GRIK4: variants seen among roughly 807,000 people sequenced by gnomAD.
GRIK4 encodes glutamate receptor ionotropic, kainate 4.
Under a neutral mutation model 104.9 loss-of-function variants are expected in GRIK4, and 40 were observed. The observed-to-expected ratio is 0.38, with a 90% confidence interval of 0.30 to 0.50. GRIK4 has a LOEUF of 0.50. Ranked by LOEUF, GRIK4 falls within the 20% of genes least tolerant of loss-of-function variation. The pLI, the probability that GRIK4 is intolerant of heterozygous loss-of-function variation, is 0.93. For synonymous variants in GRIK4, 485 were observed against 524.9 expected (o/e 0.92, Z 1.04); for missense variants, 1,047 against 1,308.1 (o/e 0.80, Z 3.08).
intron 11 of GRIK4, among the ~76,000 whole-genome samples, chr11:120,883,597 A>T (rs1955029691): frequency 6.6e-6 from 1 of 152,316 alleles, no homozygotes; most frequent in East Asian, 1.9e-4. Flanking sequence ...TTCCTGGCCC[A>T]TGTAAGTCTG....
intron 13 of GRIK4, among the ~76,000 whole-genome samples, chr11:120,938,260 C>T (rs990932014): frequency 6.6e-6 from 1 of 152,202 alleles, no homozygotes; most frequent in African/African-American, 2.4e-5. Context: ...AATGAAGGCA[C>T]TAACAATCCT....
At chr11:120,846,634 C>T (rs954753362) in intron 8 of GRIK4, among the ~76,000 whole-genome samples, 13 of 152,120 alleles carry the variant, frequency 8.5e-5, no homozygotes, top group Admixed American at 2.6e-4. Flanking sequence ...CTGCTATGCA[C>T]GTTTGCTGGA....
chr11:120,636,769 G>T (rs918899592), intron 1 of GRIK4, among the ~76,000 whole-genome samples: 7 of 152,324 alleles, frequency 4.6e-5, no homozygotes, highest in African/African-American at 1.7e-4. Flanking sequence ...GGGCCTGGGA[G>T]GTGGAGTTTG....
chr11:120,586,304 G>A (rs927260953), intron 1 of GRIK4, among the ~76,000 whole-genome samples: 5 of 152,196 alleles, frequency 3.3e-5, no homozygotes, highest in African/African-American at 7.2e-5. Context: ...AAGGTTTAGG[G>A]GCATGAAGTG....
chr11:120,950,387 A>G (rs573849128), intron 14 of GRIK4, among the ~76,000 whole-genome samples: 2 of 152,352 alleles, frequency 1.3e-5, no homozygotes, highest in South Asian at 2.1e-4. Flanking sequence ...CCCATAACCA[A>G]ATATGGCAGC....
In GRIK4 at chr11:120,639,894, T is replaced by C. The variant is rs184807073; in HGVS notation, c.-158-13791T>C. On this transcript the variant is annotated intron_variant, in intron 1 of 20. Transcript: ENST00000527524. ...GTACCCCTAGAATACAATCTAGACT[T>C]CCTAGCATGGCTGCTGTGGAGCCAT... Among the ~76,000 whole-genome samples, 579 of 152,286 alleles carry C rather than the reference T, an allele frequency of 3.8e-3. 4 individuals carry two copies. The highest frequency in any genetic ancestry group is 6.3e-3 in the Non-Finnish European group (427 of 68,004).
chr11:120,917,863 C>T lies in GRIK4; in HGVS notation c.1476+12370C>T, dbSNP rs1386181939. Among the ~76,000 whole-genome samples the T allele has an allele frequency of 2.6e-5, 4 of 152,318 alleles. No individual in the cohort carries two copies. In the South Asian group the frequency reaches 8.3e-4, roughly 32 times the overall value. ...TTCCACCTTCCCCACTGAGCGCCAG[C>T]TGTTAAGGGGAGTGAAGGGTCTGCA... On this transcript the variant is annotated intron_variant, in intron 13 of 20. Transcript: ENST00000527524.
At chr11:120,598,067 C>T (rs958798958) in intron 1 of GRIK4, among the ~76,000 whole-genome samples, 1 of 152,184 alleles carries the variant, frequency 6.6e-6, no homozygotes, top group Non-Finnish European at 1.5e-5. Context: ...ACAGACTTCC[C>T]CTCCTGCGCT....
chr11:120,937,911 T>TG, intron 13 of GRIK4, among the ~76,000 whole-genome samples: 1 of 152,314 alleles, frequency 6.6e-6, no homozygotes, highest in South Asian at 2.1e-4. Context: ...GAAAGCAGCG[T>TG]GTGAGGAAAA....
intron 3 of GRIK4, among the ~76,000 whole-genome samples, chr11:120,766,000 C>T (rs1951832021): frequency 6.6e-6 from 1 of 152,256 alleles, no homozygotes; most frequent in African/African-American, 2.4e-5. Flanking sequence ...ATCCACTGCT[C>T]TCTTCAGAGC....
intron 1 of GRIK4, among the ~76,000 whole-genome samples, chr11:120,607,647 A>G (rs1948978830): frequency 6.6e-6 from 1 of 152,170 alleles, no homozygotes; most frequent in Non-Finnish European, 1.5e-5. Flanking sequence ...AGCACCCAGC[A>G]GGAAGTTGAT....
intron 4 of GRIK4, among the ~76,000 whole-genome samples, chr11:120,806,777 G>A (rs1952720539): frequency 6.6e-6 from 1 of 152,220 alleles, no homozygotes; most frequent in Non-Finnish European, 1.5e-5. Context: ...AGATTATGAA[G>A]TGTAAAGAAG....
In GRIK4 at chr11:120,883,280, T is replaced by G. The variant is rs117434769; in HGVS notation, c.1164+8037T>G. Among the ~76,000 whole-genome samples, 358 of 152,318 alleles carry G rather than the reference T, an allele frequency of 2.4e-3. 7 individuals are homozygous for G. The East Asian group carries it at 0.048, about 20-fold the overall frequency. On this transcript the variant is annotated intron_variant, in intron 11 of 20. Transcript: ENST00000527524. ...CAGAGCCCTGGGGACCTGAGGATTT[T>G]GTCATGAGAGTTCTCTAAAGCTACT...
At chr11:120,837,542 T>C (rs1447721812) in intron 8 of GRIK4, among the ~76,000 whole-genome samples, 2 of 152,126 alleles carry the variant, frequency 1.3e-5, no homozygotes, top group Non-Finnish European at 2.9e-5. Context: ...CCACACATAT[T>C]ATATGCGCGT....
Position 120,875,189 on chromosome 11 carries a change from G to A in GRIK4, c.1110G>A (p.Gln370=). The A allele has an allele frequency of 6.2e-7, 1 of 1,613,822 alleles. No individual in the cohort carries two copies. The highest frequency in any genetic ancestry group is 8.5e-7 in the Non-Finnish European group (1 of 1,179,704). The change falls in exon 11 of 21, where the codon CAG becomes CAA. Residue 370 remains glutamine (Q), a synonymous_variant. Transcript: ENST00000527524. ...ACATTGAATTCAACAGCAAAGGCCA[G>A]AGGTCCAACTACGCTTTGAAAATCT... ...TGHIEFNSKG[Q]RSNYALKILQ...
At chr11:120,648,251 G>A (rs1346052646) in intron 1 of GRIK4, among the ~76,000 whole-genome samples, 19 of 152,214 alleles carry the variant, frequency 1.2e-4, no homozygotes, top group Admixed American at 1.2e-3. Context: ...ACATCTCTAG[G>A]CCACTGGCAG....
At chr11:120,572,513 C>T (rs1188381353) in intron 1 of GRIK4, among the ~76,000 whole-genome samples, 2 of 152,092 alleles carry the variant, frequency 1.3e-5, no homozygotes, top group Non-Finnish European at 2.9e-5. Context: ...CCTTCGCAGG[C>T]TGTCTTTGGG....
In GRIK4 at chr11:120,802,393, A is replaced by G. The variant is rs146090511; in HGVS notation, c.83-300A>G. Among the ~76,000 whole-genome samples, 228 of 152,348 alleles carry G rather than the reference A, an allele frequency of 1.5e-3. 1 individual carries two copies. Among genetic ancestry groups the G allele is most frequent in the African/African-American group, 5.4e-3 (224 of 41,576 alleles). On this transcript the variant is annotated intron_variant, in intron 3 of 20. Transcript: ENST00000527524. ...TGTGCATGGAGACAGGTATCCAAGT[A>G]TCAGGATGCCTGGACCCGGGGACTT...
chr11:120,814,918 C>T (rs1051745890), intron 4 of GRIK4, among the ~76,000 whole-genome samples: 20 of 152,252 alleles, frequency 1.3e-4, no homozygotes, highest in Admixed American at 3.9e-4. Context: ...GCGTCATCCT[C>T]GCCCTCCTTC....
Sources: gnomAD v4.1 joint callset for allele counts (sites outside exome capture counted in the v4.1 genomes callset) on GRCh38, gnomAD v4.1.1 for gene constraint, MANE v1.5 for transcripts, NCBI Gene and HGNC (gene_info 2026-07-23, HGNC 2026-07-21) for gene names.